The following PTPRU variants were observed in gnomAD, a reference collection of about 807,000 sequenced individuals.
PTPRU encodes the protein protein tyrosine phosphatase receptor type U.
PTPRU carries 69 observed loss-of-function variants against 166.3 expected under a neutral mutation model. The observed-to-expected ratio is 0.41, with a 90% CI of 0.34 to 0.51. PTPRU has a LOEUF of 0.51. Among genes scored for constraint, PTPRU ranks in the 20% least tolerant of loss-of-function variants. The probability of loss-of-function intolerance (pLI) is 0.09; values close to 1 mark genes in which losing one functional copy is unlikely to be tolerated. For missense variants in PTPRU, 1,657 were observed against 2,013.7 expected (o/e 0.82, Z 3.39); for synonymous variants, 793 against 814.0 (o/e 0.97, Z 0.44).
chr1:29,317,253 C>T lies in PTPRU; in HGVS notation c.3514-495C>T, dbSNP rs1433387208. ...CCGGTGCTTAGGACTTCATTCTGTT[C>T]AGACAGGGCCGTGACCAAGGAACGT... is the stretch of plus-strand genomic sequence containing the variant. On this transcript the variant is annotated intron_variant, in intron 24 of 29. Coordinates refer to ENST00000373779, the MANE Select transcript of PTPRU (RefSeq NM_133178.4). The surrounding 1 kb of genome is among the most constrained non-coding windows in gnomAD (Gnocchi z 5.6). Among the ~76,000 whole-genome samples, 1 of 152,128 alleles carries T rather than the reference C, an allele frequency of 6.6e-6. No individual in the cohort carries two copies. Among genetic ancestry groups the T allele is most frequent in the Admixed American group, 6.6e-5 (1 of 15,264 alleles).
intron 5 of PTPRU, 69 bp downstream of exon 5, chr1:29,259,633 C>A (rs990049518): frequency 7.0e-7 from 1 of 1,428,886 alleles, no homozygotes; most frequent in African/African-American, 1.4e-5. Flanking sequence ...CTGGCCCTGA[C>A]TCCCCCCAGA....
In PTPRU at chr1:29,279,099, A is replaced by G. The variant is rs764204163; in HGVS notation, c.1541A>G (p.Asn514Ser). 9 of 1,581,358 alleles carry G rather than the reference A, an allele frequency of 5.7e-6. No homozygotes were observed. Among genetic ancestry groups the G allele is most frequent in the East Asian group, 2.3e-5 (1 of 43,124 alleles). Residue 514 changes from asparagine to serine, a missense_variant, in exon 9 of 30, where the codon AAT (asparagine) becomes AGT (serine). Asn to Ser is a conservative substitution (Grantham distance 46). Transcript: ENST00000373779. The surrounding 1 kb of genome is among the most constrained non-coding windows in gnomAD (Gnocchi z 5.2). ...AAGTGGGAGGAGCCCCAGGAGCCCA[A>G]TGGTCTCATCACCCAGTATGAGGTG... Reference protein sequence around the residue: ...FLKWEEPQEPNGLITQYEISY... With the variant: ...FLKWEEPQEPSGLITQYEISY...
At chr1:29,255,588 G>T (rs1684744886) in intron 2 of PTPRU, among the ~76,000 whole-genome samples, 182 bp downstream of exon 2, 1 of 152,174 alleles carries the variant, frequency 6.6e-6, no homozygotes, top group African/African-American at 2.4e-5. Context: ...GTGCATGTCA[G>T]CTAGTTTCGT....
rs528085131 is a variant in PTPRU at position 29,259,433 on chromosome 1, A to C, written c.560-16A>C. On this transcript the variant is annotated splice_polypyrimidine_tract_variant and intron_variant, in intron 4 of 29. Coordinates refer to ENST00000373779, the MANE Select transcript of PTPRU (RefSeq NM_133178.4). ...GGGGTGCAGGCCCAGCTCACGATGC[A>C]GCTCTAACCCCGCAGCAAAGGCCCC... The C allele has an allele frequency of 8.7e-6, 14 of 1,609,434 alleles. No homozygotes were observed. In the South Asian group the frequency reaches 1.5e-4, roughly 18 times the overall value.
intron 1 of PTPRU, among the ~76,000 whole-genome samples, chr1:29,255,004 T>C (rs1684711123): frequency 6.6e-6 from 1 of 152,108 alleles, no homozygotes; most frequent in East Asian, 1.9e-4. Flanking sequence ...CTTTGATGGA[T>C]GACTGAGCCA....
In PTPRU at chr1:29,280,210, G is replaced by A; in HGVS notation, c.1868+69G>A. On this transcript the variant is annotated intron_variant, in intron 11 of 29. Transcript: ENST00000373779. The surrounding 1 kb of genome is among the most constrained non-coding windows in gnomAD (Gnocchi z 4.2). Reference sequence around the variant, plus strand: ...AAAGAGGCCCCTCCTCTGACCCAGAGCCCCATCCCAGGCCAGCTCACCCTT... The same window carrying A: ...AAAGAGGCCCCTCCTCTGACCCAGAACCCCATCCCAGGCCAGCTCACCCTT... 6.9e-7 allele frequency: 1 copy of A among 1,447,550 alleles called. No individual in the cohort carries two copies. Among genetic ancestry groups the A allele is most frequent in the Non-Finnish European group, 9.6e-7 (1 of 1,042,178 alleles). The allele number at this position is 1,447,550 out of a possible 1,614,324, so 89.7% of individuals were successfully genotyped here. A position where few individuals can be genotyped will look rare whatever the true frequency, so the allele number is the denominator to read the frequency against.
intron 1 of PTPRU, among the ~76,000 whole-genome samples, chr1:29,252,163 G>A (rs1027441941): frequency 2.0e-5 from 3 of 152,152 alleles, no homozygotes; most frequent in South Asian, 2.1e-4. Context: ...ACTGCTTGGT[G>A]CCATCCTCAC....
Position 29,305,401 on chromosome 1 carries a change from C to T in PTPRU, c.2793C>T (p.Ala931=), listed in dbSNP as rs374111722. ...KLHPMLGDPN[A]DYINANYIDG... The stretch of plus-strand genomic sequence containing the variant: ...ACCCGATGCTGGGAGACCCCAATGC[C>T]GACTACATTAATGCCAACTACATAG... Residue 931 remains alanine (A), a synonymous_variant, in exon 18 of 30, where the codon GCC becomes GCT. Transcript: ENST00000373779. 5.0e-6 allele frequency: 8 copies of T among 1,613,790 alleles called. No individual in the cohort carries two copies. The highest frequency in any genetic ancestry group is 3.3e-5 in the Admixed American group (2 of 60,010).
At position 29,237,833 on chromosome 1, in the gene PTPRU, G is replaced by C. The variant is rs1278509826; in HGVS notation, c.73+1116G>C. On this transcript the variant is annotated intron_variant, in intron 1 of 29. Transcript: ENST00000373779. This position sits in a 1 kb window ranked among gnomAD's most constrained non-coding sequence, Gnocchi z 6.4. ...GCGGGCAGGGGAGGGCCGGACCGGCGGGCGCTCCTGCGGTGGCCGGGCCGC... is the reference window on the plus strand; with the variant it reads ...GCGGGCAGGGGAGGGCCGGACCGGCCGGCGCTCCTGCGGTGGCCGGGCCGC... Among the ~76,000 whole-genome samples the C allele has an allele frequency of 6.8e-6, 1 of 146,112 alleles. No individual in the cohort carries two copies. Among genetic ancestry groups the C allele is most frequent in the Non-Finnish European group, 1.5e-5 (1 of 65,720 alleles).
At chr1:29,269,160 C>A (rs12742644) in intron 7 of PTPRU, among the ~76,000 whole-genome samples, 1 of 145,386 alleles carries the variant, frequency 6.9e-6, no homozygotes, top group Non-Finnish European at 1.5e-5. Context: ...CCTCTTGCTT[C>A]AGCCTCCTAA....
intron 22 of PTPRU, among the ~76,000 whole-genome samples, chr1:29,314,092 G>A (rs149885256): frequency 2.0e-5 from 3 of 152,266 alleles, no homozygotes; most frequent in South Asian, 2.1e-4. Context: ...TGTGAGGCTC[G>A]TCCACAGTGG....
Position 29,291,873 on chromosome 1 carries a change from C to G in PTPRU, c.2323C>G (p.Pro775Ala), listed in dbSNP as rs1686650718. Residue 775 changes from proline (P) to alanine (A), a missense_variant, in exon 15 of 30, where the codon CCG becomes GCG. By Grantham distance (27) the Pro-to-Ala change is conservative. This residue lies in a region of PTPRU where 1,190 missense variants were observed against 1,477.4 expected (regional missense o/e 0.81). Transcript: ENST00000373779. This position sits in a 1 kb window ranked among gnomAD's most constrained non-coding sequence, Gnocchi z 4.1. ...AIIVIIRKGK[P>A]VNMTKATVNY... ...CCCCTCAACCCCCCTCTCCAGGAAG[C>G]CGGTGAACATGACCAAGGCCACCGT... 1 of 1,613,782 alleles carries G rather than the reference C, an allele frequency of 6.2e-7. No individual in the cohort carries two copies. The highest frequency in any genetic ancestry group is 1.6e-4 in the Middle Eastern group (1 of 6,062).
chr1:29,321,930 C>G (rs897411786), intron 26 of PTPRU, among the ~76,000 whole-genome samples: 1 of 152,234 alleles, frequency 6.6e-6, no homozygotes, highest in African/African-American at 2.4e-5. Context: ...AGATACCCAG[C>G]CTTCCAGCCC....
At chr1:29,270,377 G>T (rs1165377459) in intron 7 of PTPRU, among the ~76,000 whole-genome samples, 1 of 151,956 alleles carries the variant, frequency 6.6e-6, no homozygotes, top group Non-Finnish European at 1.5e-5. Flanking sequence ...CATGATCTTG[G>T]CTCACCGCTT....
At chr1:29,286,372 C>T (rs1402148488) in intron 14 of PTPRU, among the ~76,000 whole-genome samples, 2 of 152,172 alleles carry the variant, frequency 1.3e-5, no homozygotes, top group African/African-American at 2.4e-5. Flanking sequence ...ACTCAGCATG[C>T]GTCAGAGAAC....
rs764317277 is a variant in PTPRU, at chr1:29,236,865, C to T, written c.73+148C>T. The T allele has an allele frequency of 2.6e-6, 2 of 757,000 alleles. No homozygotes were observed. Among genetic ancestry groups the T allele is most frequent in the Non-Finnish European group, 1.8e-6 (1 of 546,268 alleles). The allele number at this position is 757,000 out of a possible 1,614,324, so 46.9% of individuals were successfully genotyped here. ...AGCGTAGGATGGGCGATTGTGTGCC[C>T]GGGGTGTTGCGTGACTGCGAATGTT... On this transcript the variant is annotated intron_variant, in intron 1 of 29. Transcript: ENST00000373779. The surrounding 1 kb of genome is among the most constrained non-coding windows in gnomAD (Gnocchi z 4.6).
At position 29,247,150 on chromosome 1, in the gene PTPRU, A is replaced by G. The variant is rs558784365; in HGVS notation, c.74-8125A>G. On this transcript the variant is annotated intron_variant, in intron 1 of 29. Coordinates refer to ENST00000373779, the MANE Select transcript of PTPRU (RefSeq NM_133178.4). Reference sequence around the variant, plus strand: ...GCACACACCCTTCCCCTGAGAATGCATGAAGCTTGAACTAGTAAGGCTTAA... The same window carrying G: ...GCACACACCCTTCCCCTGAGAATGCGTGAAGCTTGAACTAGTAAGGCTTAA... Among the ~76,000 whole-genome samples, 6 of 152,334 alleles carry G rather than the reference A, an allele frequency of 3.9e-5. No homozygotes were observed. In the South Asian group the frequency reaches 1.2e-3, roughly 32 times the overall value.
intron 1 of PTPRU, among the ~76,000 whole-genome samples, chr1:29,249,310 A>C (rs1349573094): frequency 3.3e-5 from 5 of 152,234 alleles, no homozygotes; most frequent in Non-Finnish European, 7.3e-5. Context: ...TCCTGAGCCC[A>C]GCCGGATGTG....
chr1:29,241,697 T>C (rs202207578), intron 1 of PTPRU, among the ~76,000 whole-genome samples: 11 of 143,318 alleles, frequency 7.7e-5, no homozygotes, highest in South Asian at 2.3e-4. Context: ...CGGGTTCAAG[T>C]GATTCTCCTG....
Sources: gnomAD v4.1 joint callset for allele counts (sites outside exome capture counted in the v4.1 genomes callset) on GRCh38, gnomAD v4.1.1 for gene constraint, gnomAD v4.1.1 regional missense constraint, Gnocchi (gnomAD v3.1) non-coding constraint, MANE v1.5 for transcripts, NCBI Gene and HGNC (gene_info 2026-07-23, HGNC 2026-07-21) for gene names.